NCOA1: variants seen among roughly 807,000 people sequenced by gnomAD.
The protein encoded by NCOA1 is nuclear receptor coactivator 1, also known as Hin-2 protein.
A neutral mutation model predicts 150.9 loss-of-function variants in NCOA1; 35 were observed. That is an observed-to-expected ratio of 0.23 (90% CI 0.18 to 0.31). NCOA1 has a LOEUF of 0.31. Ranked by LOEUF, NCOA1 falls within the 10% of genes least tolerant of loss-of-function variation. The probability of loss-of-function intolerance (pLI) is 1.00; values close to 1 mark genes in which losing one functional copy is unlikely to be tolerated. For missense variants in NCOA1, 1,491 were observed against 1,749.3 expected (o/e 0.85, Z 2.63); for synonymous variants, 590 against 630.0 (o/e 0.94, Z 0.95).
At chr2:24,586,756 C>G (rs1667429051) in intron 3 of NCOA1, among the ~76,000 whole-genome samples, 1 of 152,114 alleles carries the variant, frequency 6.6e-6, no homozygotes, top group South Asian at 2.1e-4. Flanking sequence ...GCCTGGCCAG[C>G]TTGCTATACT....
chr2:24,608,704 G>GTTTTTTTTTTTTTTTTTTTTTTTTTTT (rs56710627), intron 3 of NCOA1, among the ~76,000 whole-genome samples: 3 of 117,334 alleles, frequency 2.6e-5, no homozygotes, highest in East Asian at 2.4e-4. Context: ...TTGTTGTTGT[G>GTTTTTTTTTTTTTTTTTTTTTTTTTTT]TTTTTTTTTT....
At chr2:24,620,758 AT>A (rs1184809918) in intron 3 of NCOA1, among the ~76,000 whole-genome samples, 1 of 152,200 alleles carries the variant, frequency 6.6e-6, no homozygotes, top group African/African-American at 2.4e-5. Context: ...TTTTATACAA[AT>A]GTGTTAAGAT....
intron 1 of NCOA1, among the ~76,000 whole-genome samples, chr2:24,494,970 T>A (rs1663136773): frequency 6.6e-6 from 1 of 152,162 alleles, no homozygotes; most frequent in Admixed American, 6.5e-5. Flanking sequence ...AAACCTTTCC[T>A]TTTCTCTTTA....
At position 24,646,015 on chromosome 2, in the gene NCOA1, G is replaced by A. The variant is rs562910281; in HGVS notation, c.-18+1893G>A. Among the ~76,000 whole-genome samples, 12 of 152,268 alleles carry A rather than the reference G, an allele frequency of 7.9e-5. No homozygotes were observed. In the East Asian group the frequency reaches 2.3e-3, roughly 29 times the overall value. Reference sequence around the variant, plus strand: ...ATGAAAGAGAAAGGAGGAGAAAATTGATAGAATAATGCAGTGACTGAACAT... The same window carrying A: ...ATGAAAGAGAAAGGAGGAGAAAATTAATAGAATAATGCAGTGACTGAACAT... On this transcript the variant is annotated intron_variant, in intron 4 of 22. Coordinates refer to ENST00000348332, the MANE Select transcript of NCOA1 (RefSeq NM_003743.5).
chr2:24,515,630 T>C (rs1664131500), intron 1 of NCOA1, among the ~76,000 whole-genome samples: 1 of 152,212 alleles, frequency 6.6e-6, no homozygotes, highest in African/African-American at 2.4e-5. Flanking sequence ...GGCTGTCTTG[T>C]TTTCTTGCTT....
Position 24,768,819 on chromosome 2 carries a change from T to G in NCOA1, c.*428T>G, listed in dbSNP as rs1665197060. 1 of 226,006 alleles carries G rather than the reference T, an allele frequency of 4.4e-6. No individual in the cohort carries two copies. Among genetic ancestry groups the G allele is most frequent in the East Asian group, 6.4e-5 (1 of 15,686 alleles). 14.0% of individuals were successfully genotyped at this position (226,006 alleles called of 1,614,324 possible). A position where few individuals can be genotyped will look rare whatever the true frequency, so the allele number is the denominator to read the frequency against. On this transcript the variant is annotated 3_prime_UTR_variant, in exon 23 of 23. Coordinates refer to ENST00000348332, the MANE Select transcript of NCOA1 (RefSeq NM_003743.5). ...AGAAGGGCCCGTGGGGCTTTGCCTG[T>G]GCCCGTCCACCAAAGGCTGTCATGT...
At chr2:24,629,473 GT>G (rs1311857378) in intron 3 of NCOA1, among the ~76,000 whole-genome samples, 1 of 95,826 alleles carries the variant, frequency 1.0e-5, no homozygotes, top group Non-Finnish European at 2.1e-5. Flanking sequence ...TTACTGTACT[GT>G]TTGGGTTTTT....
chr2:24,604,399 G>C (rs888046873), intron 3 of NCOA1, among the ~76,000 whole-genome samples: 6 of 152,186 alleles, frequency 3.9e-5, no homozygotes, highest in Admixed American at 3.3e-4. Context: ...GTCCTGAATG[G>C]CATCTTCTTC....
At chr2:24,708,637 A>G (rs1286385772) in intron 13 of NCOA1, among the ~76,000 whole-genome samples, 1 of 152,194 alleles carries the variant, frequency 6.6e-6, no homozygotes, top group East Asian at 1.9e-4. Context: ...CACCTTATTT[A>G]GAGACAGAAT....
chr2:24,707,516 A>G lies in NCOA1; in HGVS notation c.2046A>G (p.Ser682=). ...GTTCTTGTCCCTCTTCTCATAGCTC[A>G]TTGACAGAACGGCATAAAATTCTAC... ...SGGSCPSSHS[S]LTERHKILHR... The change falls in exon 13 of 23, where the codon TCA becomes TCG. Residue 682 remains serine, a synonymous_variant. Transcript: ENST00000348332. 1 of 1,614,182 alleles carries G rather than the reference A, an allele frequency of 6.2e-7. No homozygotes were observed.
intron 2 of NCOA1, among the ~76,000 whole-genome samples, chr2:24,580,771 T>C (rs1667162311): frequency 6.6e-6 from 1 of 152,222 alleles, no homozygotes. Context: ...AACACCTCCA[T>C]CATCTTGGTA....
chr2:24,682,857 A>G (rs1363593559), intron 7 of NCOA1, 94 bp from the exon 8 acceptor site: 3 of 1,085,620 alleles, frequency 2.8e-6, no homozygotes, highest in Non-Finnish European at 3.9e-6. Flanking sequence ...GTCTTGACAT[A>G]TATTTCTGAT....
At chr2:24,697,091 TC>T (rs1672941452) in intron 10 of NCOA1, among the ~76,000 whole-genome samples, 1 of 152,120 alleles carries the variant, frequency 6.6e-6, no homozygotes, top group African/African-American at 2.4e-5. Flanking sequence ...AAGCGTATGT[TC>T]CGTGTGCATA....
At chr2:24,586,573 A>G (rs1667421734) in intron 3 of NCOA1, among the ~76,000 whole-genome samples, 2 of 152,036 alleles carry the variant, frequency 1.3e-5, no homozygotes, top group Non-Finnish European at 2.9e-5. Context: ...TTCTGCCTCC[A>G]TAGCTCTTCC....
chr2:24,558,958 C>T (rs1028781851), intron 1 of NCOA1, among the ~76,000 whole-genome samples: 3 of 152,016 alleles, frequency 2.0e-5, no homozygotes, highest in African/African-American at 7.3e-5. Flanking sequence ...CACTTAGGTT[C>T]CACTTGTGGT....
At chr2:24,708,311 C>G (rs1017379627) in intron 13 of NCOA1, among the ~76,000 whole-genome samples, 4 of 152,252 alleles carry the variant, frequency 2.6e-5, no homozygotes, top group Admixed American at 2.6e-4. Context: ...CTTAGTCTGG[C>G]TTGTTTTTTA....
intron 3 of NCOA1, among the ~76,000 whole-genome samples, chr2:24,626,543 T>C (rs553339386): frequency 6.6e-6 from 1 of 152,164 alleles, no homozygotes; most frequent in South Asian, 2.1e-4. Flanking sequence ...GCTGGGAAAG[T>C]GGTAGTATGG....
chr2:24,709,181 A>G (rs761007101), intron 13 of NCOA1, among the ~76,000 whole-genome samples: 1 of 152,222 alleles, frequency 6.6e-6, no homozygotes, highest in Non-Finnish European at 1.5e-5. Context: ...GATTTATAAG[A>G]TAATGCCATT....
At chr2:24,591,569 T>C (rs984027488) in intron 3 of NCOA1, among the ~76,000 whole-genome samples, 8 of 152,288 alleles carry the variant, frequency 5.3e-5, no homozygotes, top group African/African-American at 1.9e-4. Context: ...GAGAGTTCTT[T>C]AGTTTTTGGT....
Sources: gnomAD v4.1 joint callset for allele counts (sites outside exome capture counted in the v4.1 genomes callset) on GRCh38, gnomAD v4.1.1 for gene constraint, MANE v1.5 for transcripts, NCBI Gene and HGNC (gene_info 2026-07-23, HGNC 2026-07-21) for gene names.